Variants in CFAP74 observed in about 807,000 individuals in gnomAD.
CFAP74 encodes the protein cilia- and flagella-associated protein 74.
Under a neutral mutation model 188.9 loss-of-function variants are expected in CFAP74, and 124 were observed. That is an observed-to-expected ratio of 0.66 (90% confidence interval 0.57 to 0.76). CFAP74 has a LOEUF of 0.76. Among genes scored for constraint, CFAP74 ranks in the 30% least tolerant of loss-of-function variants. CFAP74 has a pLI of 0.00. For synonymous variants in CFAP74, 956 were observed against 916.7 expected (o/e 1.04, Z -0.77); for missense variants, 2,198 against 2,165.2 (o/e 1.02, Z -0.30).
At chr1:1,991,242 G>T (rs942539211) in intron 1 of CFAP74, among the ~76,000 whole-genome samples, 8 of 151,922 alleles carry the variant, frequency 5.3e-5, no homozygotes, top group African/African-American at 1.9e-4. Flanking sequence ...TTGGGAGGCC[G>T]AGGCAGGTGG....
In CFAP74 at chr1:1,944,287, G is replaced by T. The variant is rs529383880; in HGVS notation, c.2486+44C>A. ...GCACAGGCAGGCAGCGGCTCACCCC[G>T]TGTGCGTGGGTCACCCCGTGTGCAT... On this transcript the variant is annotated intron_variant, in intron 21 of 38. Transcript: ENST00000682832. 35 of 1,522,296 alleles carry T rather than the reference G, an allele frequency of 2.3e-5. No homozygotes were observed. The South Asian group carries it at 4.2e-4, about 18-fold the overall frequency. The allele number at this position is 1,522,296 out of a possible 1,614,324, so 94.3% of individuals were successfully genotyped here. A position where few individuals can be genotyped will look rare whatever the true frequency, so the allele number is the denominator to read the frequency against.
At chr1:1,955,238 G>C (rs1176950200) in intron 18 of CFAP74, 23 of 1,290,572 alleles carry the variant, frequency 1.8e-5, no homozygotes, top group Non-Finnish European at 2.1e-5. Context: ...GGAGACGCAA[G>C]CGATTCCCGA....
At position 1,986,995 on chromosome 1, in the gene CFAP74, C is replaced by T. The variant is rs374337431; in HGVS notation, c.337G>A (p.Asp113Asn). 4.3e-5 allele frequency: 69 copies of T among 1,601,738 alleles called. No individual in the cohort carries two copies. Among genetic ancestry groups the T allele is most frequent in the Non-Finnish European group, 4.6e-5 (54 of 1,179,540 alleles). The part of the protein sequence containing the change: ...RACRQRRDLI[D>N]KQQEAVAAEI... ...GCTGCCACAGCCTCCTGCTGCTTGT[C>T]GATCAGGTCCCGCCTCTGCCGACAG... The change falls in exon 5 of 39, where the codon GAC becomes AAC. Residue 113 changes from aspartate (D) to asparagine (N), a missense_variant. Physicochemically the swap from Asp to Asn is conservative, Grantham distance 23. Transcript: ENST00000682832.
chr1:1,980,481 G>A lies in CFAP74; in HGVS notation c.500+4905C>T, dbSNP rs1656765452. Among the ~76,000 whole-genome samples, 2 of 146,586 alleles carry A rather than the reference G, an allele frequency of 1.4e-5. 1 individual carries two copies. Among genetic ancestry groups the A allele is most frequent in the Non-Finnish European group, 3.0e-5 (2 of 66,442 alleles). On this transcript the variant is annotated intron_variant, in intron 6 of 38. Coordinates refer to ENST00000682832, the MANE Select transcript of CFAP74 (RefSeq NM_001304360.2). ...AGACTGTATCTAAGCCACCGGCACAGATCGCAGTGGGCGCCTCACAGCAGC... is the reference window on the plus strand; with the variant it reads ...AGACTGTATCTAAGCCACCGGCACAAATCGCAGTGGGCGCCTCACAGCAGC...
rs547196246 is a variant in CFAP74 at position 1,942,316 on chromosome 1, T to A, written c.2487-160A>T. Among the ~76,000 whole-genome samples the A allele has an allele frequency of 2.2e-4, 34 of 151,954 alleles. No individual in the cohort carries two copies. The highest frequency in any genetic ancestry group is 8.5e-4 in the Admixed American group (13 of 15,250). ...TGCACGTGCACCTCGACAATCGGAG[T>A]CCTCAAAGCCCTGCTTTGTAAGGGC... On this transcript the variant is annotated intron_variant, in intron 21 of 38. Coordinates refer to ENST00000682832, the MANE Select transcript of CFAP74 (RefSeq NM_001304360.2). This position sits in a 1 kb window ranked among gnomAD's most constrained non-coding sequence, Gnocchi z 4.3.
chr1:1,998,843 C>T lies in CFAP74; in HGVS notation c.-20+4858G>A, dbSNP rs145923347. Reference sequence around the variant, plus strand: ...AGTGAGCTGAGATCTTGCCACTGCACTCTAGCCTAGGCGACAGAGTGAGAC... The same window carrying T: ...AGTGAGCTGAGATCTTGCCACTGCATTCTAGCCTAGGCGACAGAGTGAGAC... On this transcript the variant is annotated intron_variant, in intron 1 of 38. Transcript: ENST00000682832. Among the ~76,000 whole-genome samples the T allele has an allele frequency of 7.9e-3, 1,199 of 152,214 alleles. 22 individuals are homozygous for T. The highest frequency in any genetic ancestry group is 0.027 in the African/African-American group (1,131 of 41,528).
At chr1:1,955,249 T>C in intron 18 of CFAP74, 2 of 1,291,716 alleles carry the variant, frequency 1.5e-6, no homozygotes, top group Non-Finnish European at 2.0e-6. Flanking sequence ...CGATTCCCGA[T>C]GGCGGCGGGC....
chr1:1,923,159 G>T lies in CFAP74; in HGVS notation c.4523-14C>A. The T allele has an allele frequency of 2.5e-6, 4 of 1,599,534 alleles. No homozygotes were observed. Among genetic ancestry groups the T allele is most frequent in the Non-Finnish European group, 3.4e-6 (4 of 1,174,826 alleles). On this transcript the variant is annotated splice_polypyrimidine_tract_variant and intron_variant, in intron 36 of 38. Transcript: ENST00000682832. This position sits in a 1 kb window ranked among gnomAD's most constrained non-coding sequence, Gnocchi z 6.3. ...GCCGGGAGCTGGCTGGAGGGGTGTG[G>T]CCAGGGGAGCTGTTCAGGGTCAGGC...
rs900647966 is a variant in CFAP74, at chr1:1,944,431, C to T, written c.2386G>A (p.Val796Met). ...ACCCAGACCGGCACATCGATGGCCA[C>T]GCCCACGACCCTGAAATGCAGCTGC... Reference protein sequence around the residue: ...CPTLHFRVVGVAIDVPVWVPK... With the variant: ...CPTLHFRVVGMAIDVPVWVPK... The change falls in exon 21 of 39, where the codon GTG becomes ATG. Residue 796 changes from valine (V) to methionine (M), a missense_variant. By Grantham distance (21) the Val-to-Met change is conservative. Transcript: ENST00000682832. The T allele has an allele frequency of 1.5e-5, 23 of 1,535,922 alleles. No homozygotes were observed. Among genetic ancestry groups the T allele is most frequent in the Non-Finnish European group, 1.7e-5 (20 of 1,146,876 alleles).
chr1:1,980,596 G>T (rs554440187), intron 6 of CFAP74, among the ~76,000 whole-genome samples: 17 of 152,358 alleles, frequency 1.1e-4, no homozygotes, highest in African/African-American at 2.4e-4. Flanking sequence ...TTCTTTGGGG[G>T]TTCCTGGGAC....
intron 25 of CFAP74, among the ~76,000 whole-genome samples, chr1:1,933,137 C>T (rs889917449): frequency 3.3e-5 from 5 of 151,420 alleles, no homozygotes; most frequent in Non-Finnish European, 4.4e-5. Context: ...CTGCGCACCT[C>T]GGCCTCCCAA....
At chr1:1,930,033 C>T (rs1217885248) in intron 26 of CFAP74, 27 bp downstream of exon 26, 2 of 1,486,908 alleles carry the variant, frequency 1.3e-6, no homozygotes, top group Non-Finnish European at 9.0e-7. Flanking sequence ...TCCTGCTTCC[C>T]AGCCTGCATG....
intron 25 of CFAP74, among the ~76,000 whole-genome samples, chr1:1,932,581 T>A (rs946327445): frequency 6.6e-6 from 1 of 151,528 alleles, no homozygotes; most frequent in Admixed American, 6.6e-5. Context: ...TAGTAGTCAA[T>A]TTTTTTCTTT....
chr1:1,944,007 C>T (rs975329127), intron 21 of CFAP74, among the ~76,000 whole-genome samples: 3 of 152,206 alleles, frequency 2.0e-5, no homozygotes, highest in African/African-American at 7.2e-5. Flanking sequence ...TGACGCCTCC[C>T]GTGATGACAC....
rs181872565 is a variant in CFAP74, at chr1:1,935,629, G to T, written c.3011+3226C>A. On this transcript the variant is annotated intron_variant, in intron 25 of 38. Coordinates refer to ENST00000682832, the MANE Select transcript of CFAP74 (RefSeq NM_001304360.2). ...TGAAAGTGTGACCCCTGGCATTCCT[G>T]ACAGTGACGGGCTCTGGGGAGGGAG... Among the ~76,000 whole-genome samples the T allele has an allele frequency of 4.6e-5, 7 of 152,070 alleles. No individual in the cohort carries two copies. In the East Asian group the frequency reaches 1.3e-3, roughly 29 times the overall value.
intron 6 of CFAP74, among the ~76,000 whole-genome samples, chr1:1,977,779 T>C (rs1656544759): frequency 1.3e-5 from 2 of 152,186 alleles, no homozygotes. Flanking sequence ...TGCAGAAAGC[T>C]AGATGCCAGA....
intron 8 of CFAP74, 73 bp from the exon 9 acceptor site, chr1:1,972,155 T>A: frequency 8.6e-7 from 1 of 1,156,316 alleles, no homozygotes; most frequent in Non-Finnish European, 1.3e-6. Context: ...ATCACAGCTC[T>A]CTGCAGCCTC....
At chr1:2,001,479 G>A (rs375167583) in intron 1 of CFAP74, among the ~76,000 whole-genome samples, 20 of 151,892 alleles carry the variant, frequency 1.3e-4, no homozygotes, top group African/African-American at 3.1e-4. Context: ...ACAGGCAACC[G>A]CCACCACACC....
At position 1,965,076 on chromosome 1, in the gene CFAP74, G is replaced by C. The variant is rs775235935; in HGVS notation, c.1402-15C>G. The C allele has an allele frequency of 2.5e-5, 41 of 1,609,168 alleles. No individual in the cohort carries two copies. In the Admixed American group the frequency reaches 6.7e-4, roughly 26 times the overall value. ...TCCTTGGGCACCTGGGGGTCACAGA[G>C]ACAGAGGCTGGGGCTGTTAGCGGCT... On this transcript the variant is annotated splice_polypyrimidine_tract_variant and intron_variant, in intron 12 of 38. Coordinates refer to ENST00000682832, the MANE Select transcript of CFAP74 (RefSeq NM_001304360.2).
Sources: gnomAD v4.1 joint callset for allele counts (sites outside exome capture counted in the v4.1 genomes callset) on GRCh38, gnomAD v4.1.1 for gene constraint, Gnocchi (gnomAD v3.1) non-coding constraint, MANE v1.5 for transcripts, NCBI Gene and HGNC (gene_info 2026-07-23, HGNC 2026-07-21) for gene names.